Variants in SLC6A17 observed in about 807,000 individuals in gnomAD.
The protein encoded by SLC6A17 is sodium-dependent neutral amino acid transporter SLC6A17.
In SLC6A17, 21 loss-of-function variants were observed where a neutral mutation model predicts 64.5. The observed-to-expected ratio is 0.33, with a 90% CI of 0.23 to 0.47. The LOEUF (loss-of-function observed/expected upper bound fraction) is 0.47. SLC6A17 is among the 20% of genes least tolerant of loss of function. The probability of loss-of-function intolerance (pLI) is 1.00; values close to 1 mark genes in which losing one functional copy is unlikely to be tolerated. For synonymous variants in SLC6A17, 372 were observed against 399.5 expected (o/e 0.93, Z 0.82); for missense variants, 682 against 963.2 (o/e 0.71, Z 3.86).
chr1:110,160,891 G>A (rs902295383), intron 1 of SLC6A17, among the ~76,000 whole-genome samples: 4 of 151,780 alleles, frequency 2.6e-5, no homozygotes, highest in African/African-American at 9.8e-5. Context: ...AAGGCAATGT[G>A]TAGGATGCCA....
At chr1:110,175,260 C>T (rs544336352) in intron 5 of SLC6A17, among the ~76,000 whole-genome samples, 16 of 152,320 alleles carry the variant, frequency 1.1e-4, no homozygotes, top group African/African-American at 1.7e-4. Flanking sequence ...GACCCAGGGA[C>T]GTCTGTCTAG....
intron 1 of SLC6A17, among the ~76,000 whole-genome samples, chr1:110,165,697 C>T (rs569704804): frequency 4.3e-4 from 66 of 152,326 alleles, no homozygotes; most frequent in African/African-American, 1.6e-3. Flanking sequence ...GGGCCTGGCC[C>T]TTGAACTGCA....
At chr1:110,182,120 G>A (rs1212990522) in intron 6 of SLC6A17, among the ~76,000 whole-genome samples, 1 of 152,210 alleles carries the variant, frequency 6.6e-6, no homozygotes, top group Non-Finnish European at 1.5e-5. Context: ...TGGGGTTTGA[G>A]CCCAGGTGAT....
chr1:110,195,653 C>A lies in SLC6A17; in HGVS notation c.1560C>A (p.Val520=), dbSNP rs1325774922. 1.2e-6 allele frequency: 2 copies of A among 1,614,132 alleles called. No homozygotes were observed. Among genetic ancestry groups the A allele is most frequent in the Non-Finnish European group, 8.5e-7 (1 of 1,180,058 alleles). ...TCCAGCGCTCCGGAAACTACTTTGTCACCATGTTCGATGACTACTCGGCCA... is the reference window on the plus strand; with the variant it reads ...TCCAGCGCTCCGGAAACTACTTTGTAACCATGTTCGATGACTACTCGGCCA... The part of the protein sequence containing the change: ...LFVQRSGNYF[V]TMFDDYSATL... The change falls in exon 10 of 12, where the codon GTC becomes GTA. Residue 520 remains valine, a synonymous_variant. Coordinates refer to ENST00000331565, the MANE Select transcript of SLC6A17 (RefSeq NM_001010898.4).
At chr1:110,163,741 G>A (rs866598862) in intron 1 of SLC6A17, among the ~76,000 whole-genome samples, 6 of 152,086 alleles carry the variant, frequency 3.9e-5, no homozygotes, top group South Asian at 2.1e-4. Flanking sequence ...CCCTGTCTCC[G>A]CCTCTCATTC....
In SLC6A17 at chr1:110,192,715, C is replaced by T; in HGVS notation, c.1299+17C>T. 6.2e-7 allele frequency: 1 copy of T among 1,605,664 alleles called. No homozygotes were observed. Among genetic ancestry groups the T allele is most frequent in the East Asian group, 2.2e-5 (1 of 44,704 alleles). ...CTGGACAAGGTGCGGGGACAGGCTG[C>T]CCTTCCCAGGACAGGCAGGAACCCA... On this transcript the variant is annotated intron_variant, in intron 8 of 11. Transcript: ENST00000331565. The surrounding 1 kb of genome is among the most constrained non-coding windows in gnomAD (Gnocchi z 4.3).
Position 110,160,302 on chromosome 1 carries a change from G to GTT in SLC6A17, c.-87-6538_-87-6537dup, listed in dbSNP as rs1187609550. Among the ~76,000 whole-genome samples the GTT allele has an allele frequency of 2.6e-5, 4 of 152,362 alleles. No homozygotes were observed. The South Asian group carries it at 6.2e-4, about 24-fold the overall frequency. On this transcript the variant is annotated intron_variant, in intron 1 of 11. Transcript: ENST00000331565. ...TGTCTCTCTAGTCACTGCTGTTAGT[G>GTT]TTTTACCCCGCCTCTTTGTTTCAAA...
At chr1:110,164,610 T>A (rs1419782408) in intron 1 of SLC6A17, among the ~76,000 whole-genome samples, 2 of 152,144 alleles carry the variant, frequency 1.3e-5, no homozygotes, top group Non-Finnish European at 2.9e-5. Context: ...TGGGCCCCCA[T>A]CCCTCAGTGC....
At chr1:110,167,524 A>G (rs1403230608) in intron 2 of SLC6A17, among the ~76,000 whole-genome samples, 1 of 152,176 alleles carries the variant, frequency 6.6e-6, no homozygotes, top group African/African-American at 2.4e-5. Context: ...TGAAAATAAT[A>G]GTAGCTCCTG....
At position 110,150,809 on chromosome 1, in the gene SLC6A17, C is replaced by T. The variant is rs533540797; in HGVS notation, c.-162C>T. On this transcript the variant is annotated 5_prime_UTR_variant, in exon 1 of 12. Coordinates refer to ENST00000331565, the MANE Select transcript of SLC6A17 (RefSeq NM_001010898.4). ...TGGCCCGGGGGAGGAGCTGTGCGTC[C>T]GCGACCCGTCGGGGATCGCAGCTGC... 2.0e-5 allele frequency: 3 copies of T among 152,086 alleles called. No individual in the cohort carries two copies. The highest frequency in any genetic ancestry group is 7.2e-5 in the African/African-American group (3 of 41,496). 9.4% of individuals were successfully genotyped at this position (152,086 alleles called of 1,614,324 possible).
rs186463365 is a variant in SLC6A17, at chr1:110,169,216, T to G, written c.286+2001T>G. Reference sequence around the variant, plus strand: ...GAAACTCTGGAACACTCTCCTTAGCTCCACGAAATGTTGACATCTTCCTAG... The same window carrying G: ...GAAACTCTGGAACACTCTCCTTAGCGCCACGAAATGTTGACATCTTCCTAG... On this transcript the variant is annotated intron_variant, in intron 2 of 11. Coordinates refer to ENST00000331565, the MANE Select transcript of SLC6A17 (RefSeq NM_001010898.4). 1.7e-3 allele frequency among the ~76,000 whole-genome samples: 256 copies of G among 152,340 alleles called. 1 individual carries two copies. Among genetic ancestry groups the G allele is most frequent in the Non-Finnish European group, 2.4e-3 (165 of 68,028 alleles).
intron 3 of SLC6A17, among the ~76,000 whole-genome samples, 163 bp from the exon 4 acceptor site, chr1:110,173,810 T>C (rs1052317026): frequency 6.7e-6 from 1 of 148,206 alleles, no homozygotes; most frequent in Non-Finnish European, 1.5e-5. Flanking sequence ...GAATGGAGCG[T>C]GAGGGGAGCT....
rs115197501 is a variant in SLC6A17 at position 110,180,964 on chromosome 1, G to A, written c.864+4225G>A. ...AACATCAGAAATAATTCAGGCTATC[G>A]GACCTGGACTTTGCAGTCCATGTCT... On this transcript the variant is annotated intron_variant, in intron 6 of 11. Transcript: ENST00000331565. Among the ~76,000 whole-genome samples the A allele has an allele frequency of 2.2e-3, 331 of 152,094 alleles. 2 individuals carry two copies. The highest frequency in any genetic ancestry group is 7.6e-3 in the African/African-American group (316 of 41,454).
chr1:110,166,967 G>T lies in SLC6A17; in HGVS notation c.38G>T (p.Ser13Ile). 6.2e-7 allele frequency: 1 copy of T among 1,613,900 alleles called. No individual in the cohort carries two copies. Among genetic ancestry groups the T allele is most frequent in the Non-Finnish European group, 8.5e-7 (1 of 1,179,892 alleles). ...AGCAAAGTGACCCAGCGTGAGCACA[G>T]CAGTGAGCATGTCACTGAGTCCGTG... ...KNSKVTQREH[S>I]SEHVTESVAD... is the part of the protein sequence containing the mutation. Residue 13 changes from serine (S) to isoleucine (I), a missense_variant, in exon 2 of 12, where the codon AGC (serine) becomes ATC (isoleucine). Physicochemically the swap from Ser to Ile is moderately radical, Grantham distance 142. Around this residue, in one of 3 missense-constraint regions of SLC6A17, gnomAD observed 415 missense variants for 603.8 expected, o/e 0.69. Coordinates refer to ENST00000331565, the MANE Select transcript of SLC6A17 (RefSeq NM_001010898.4).
chr1:110,157,477 G>A (rs976902083), intron 1 of SLC6A17, among the ~76,000 whole-genome samples: 10 of 152,144 alleles, frequency 6.6e-5, no homozygotes, highest in Non-Finnish European at 1.0e-4. Context: ...GGAGGCTGAG[G>A]CAGGAGAATC....
At chr1:110,167,476 T>A (rs1401176461) in intron 2 of SLC6A17, among the ~76,000 whole-genome samples, 5 of 152,170 alleles carry the variant, frequency 3.3e-5, no homozygotes, top group Non-Finnish European at 7.4e-5. Context: ...TGGGACCTAC[T>A]ACAAATTGCT....
intron 6 of SLC6A17, chr1:110,178,744 A>T (rs2101850573): frequency 6.6e-6 from 1 of 152,396 alleles, no homozygotes; most frequent in African/African-American, 2.4e-5. Context: ...AGTTCAAGGG[A>T]GCTCACTTGA....
rs1323662177 is a variant in SLC6A17, at chr1:110,201,054, A to C, written c.*2610A>C. On this transcript the variant is annotated 3_prime_UTR_variant, in exon 12 of 12. Coordinates refer to ENST00000331565, the MANE Select transcript of SLC6A17 (RefSeq NM_001010898.4). ...AGGGAAGGAGGGCGTTAAGGGAAAAAAAAAATCCTCAAATTTATTTACCAG... is the reference window on the plus strand; with the variant it reads ...AGGGAAGGAGGGCGTTAAGGGAAAACAAAAATCCTCAAATTTATTTACCAG... The C allele has an allele frequency of 1.3e-5, 2 of 152,136 alleles. No individual in the cohort carries two copies. Among genetic ancestry groups the C allele is most frequent in the Admixed American group, 6.5e-5 (1 of 15,282 alleles). The allele number at this position is 152,136 out of a possible 1,614,324, so 9.4% of individuals were successfully genotyped here.
At chr1:110,173,893 G>GAGAA in intron 3 of SLC6A17, 80 bp from the exon 4 acceptor site, 3 of 1,558,104 alleles carry the variant, frequency 1.9e-6, no homozygotes, top group Admixed American at 1.9e-5. Flanking sequence ...CGCTGCCGAC[G>GAGAA]TGCTGGGCCT....
Sources: gnomAD v4.1 joint callset for allele counts (sites outside exome capture counted in the v4.1 genomes callset) on GRCh38, gnomAD v4.1.1 for gene constraint, gnomAD v4.1.1 regional missense constraint, Gnocchi (gnomAD v3.1) non-coding constraint, MANE v1.5 for transcripts, NCBI Gene and HGNC (gene_info 2026-07-23, HGNC 2026-07-21) for gene names.